RAD52: variants seen among roughly 807,000 people sequenced by gnomAD.
RAD52 encodes the protein RAD52 DNA repair protein, also known as DNA repair protein RAD52 homolog.
A neutral mutation model predicts 55.5 loss-of-function variants in RAD52; 47 were observed. The ratio of observed to expected loss-of-function variants is 0.85; its 90% CI spans 0.67 to 1.08. The LOEUF (loss-of-function observed/expected upper bound fraction) is 1.08, where lower values mean the gene tolerates loss of function less well. RAD52 is among the 50% of genes least tolerant of loss of function. The pLI is 0.00. For synonymous variants in RAD52, 184 were observed against 198.9 expected (o/e 0.92, Z 0.63); for missense variants, 468 against 522.8 (o/e 0.90, Z 1.02).
intron 5 of RAD52, among the ~76,000 whole-genome samples, chr12:928,805 G>A (rs1456603334): frequency 6.6e-6 from 1 of 152,002 alleles, no homozygotes; most frequent in Non-Finnish European, 1.5e-5. Context: ...TTAATATTTA[G>A]AGCCTTAAGT....
chr12:930,867 T>C (rs994517874), intron 3 of RAD52, among the ~76,000 whole-genome samples: 2 of 151,550 alleles, frequency 1.3e-5, no homozygotes, highest in African/African-American at 4.9e-5. Context: ...GTCAGGAAGC[T>C]GAGGCAGGAG....
Position 912,342 on chromosome 12 carries a change from A to G in RAD52, c.*1049T>C, listed in dbSNP as rs1956135258. 1 of 201,648 alleles carries G rather than the reference A, an allele frequency of 5.0e-6. No homozygotes were observed. Among genetic ancestry groups the G allele is most frequent in the Non-Finnish European group, 1.0e-5 (1 of 98,048 alleles). The allele number at this position is 201,648 out of a possible 1,614,324, so 12.5% of individuals were successfully genotyped here. On this transcript the variant is annotated 3_prime_UTR_variant, in exon 12 of 12. Transcript: ENST00000358495. ...ACCCAGCCCTCTTCAGCTGCAGTGT[A>G]TCTTCTTATACAAAAACTCTGTTTC...
upstream of RAD52, among the ~76,000 whole-genome samples, chr12:953,448 C>T (rs546494863): frequency 7.4e-4 from 113 of 152,264 alleles, no homozygotes; most frequent in Middle Eastern, 3.4e-3. Context: ...AAGGAAGTAT[C>T]CTCCCCTGCT....
chr12:949,766 A>C (rs1231216146), upstream of RAD52: 1 of 152,046 alleles, frequency 6.6e-6, no homozygotes, highest in Non-Finnish European at 1.5e-5. Context: ...GAAAAAAAAA[A>C]ACACAGACCA....
intron 1 of RAD52, among the ~76,000 whole-genome samples, chr12:945,122 A>G (rs2154118490): frequency 6.6e-6 from 1 of 152,282 alleles, no homozygotes; most frequent in African/African-American, 2.4e-5. Flanking sequence ...AGGCCAATGC[A>G]GACAGATCAC....
intron 2 of RAD52, among the ~76,000 whole-genome samples, chr12:932,603 TC>T (rs540017846): frequency 6.4e-4 from 97 of 151,112 alleles, no homozygotes; most frequent in South Asian, 3.6e-3. Flanking sequence ...ATGTTATCTA[TC>T]CCCCCCCACA....
intron 1 of RAD52, among the ~76,000 whole-genome samples, chr12:983,923 ATACTTCAGT>A (rs1381841366): frequency 6.6e-6 from 1 of 152,212 alleles, no homozygotes; most frequent in African/African-American, 2.4e-5. Flanking sequence ...TTGGAGGAAT[ATACTTCAGT>A]CTTTAACAGT....
intron 1 of RAD52, among the ~76,000 whole-genome samples, chr12:957,301 T>A (rs1225233270): frequency 3.3e-5 from 5 of 151,140 alleles, no homozygotes; most frequent in African/African-American, 1.2e-4. Flanking sequence ...CTACTAAAAA[T>A]ACAAAAAAAC....
At chr12:944,547 G>C (rs1958094066) in intron 1 of RAD52, among the ~76,000 whole-genome samples, 1 of 146,226 alleles carries the variant, frequency 6.8e-6, no homozygotes, top group Admixed American at 7.0e-5. Flanking sequence ...AATTAAATAT[G>C]TATCTGTCAT....
At chr12:935,853 CAAAAAAATAAATAAATAAATAAAT>C (rs1192839343) in intron 1 of RAD52, among the ~76,000 whole-genome samples, 16 of 143,042 alleles carry the variant, frequency 1.1e-4, no homozygotes, top group East Asian at 8.8e-4. Flanking sequence ...AACTCCGTCT[CAAAAAAATAAATAAATAAATAAAT>C]AAATAAATAA....
chr12:984,208 C>A (rs1959056849), intron 1 of RAD52, among the ~76,000 whole-genome samples: 1 of 151,962 alleles, frequency 6.6e-6, no homozygotes, highest in African/African-American at 2.4e-5. Flanking sequence ...GAATTTTTTT[C>A]TTTTTGAGAC....
At position 916,409 on chromosome 12, in the gene RAD52, T is replaced by A. The variant is rs1228925062; in HGVS notation, c.800A>T (p.Gln267Leu). The A allele has an allele frequency of 1.9e-6, 3 of 1,608,950 alleles. No individual in the cohort carries two copies. The highest frequency in any genetic ancestry group is 4.5e-5 in the East Asian group (2 of 44,844). ...RKLRQKQLQQ[Q>L]FRERMEKQQV... is the part of the protein sequence containing the mutation. The stretch of plus-strand genomic sequence containing the variant: ...CTGCTTCTCCATCCGCTCCCGGAAC[T>A]GCTGCTGCAGCTGCTTCTGCCGGAG... Residue 267 changes from glutamine (Q) to leucine (L), a missense_variant, in exon 9 of 12, where the codon CAG (glutamine) becomes CTG (leucine). Transcript: ENST00000358495.
At chr12:917,727 AT>A (rs1185901597) in intron 7 of RAD52, among the ~76,000 whole-genome samples, 1 of 149,584 alleles carries the variant, frequency 6.7e-6, no homozygotes, top group Non-Finnish European at 1.5e-5. Context: ...AAAAAAAAAA[AT>A]CGAAGGAACT....
At chr12:972,348 C>T (rs963934953) in intron 1 of RAD52, among the ~76,000 whole-genome samples, 4 of 152,114 alleles carry the variant, frequency 2.6e-5, no homozygotes, top group Non-Finnish European at 5.9e-5. Flanking sequence ...ACAGAAAGTG[C>T]ATGAGAAAAT....
At chr12:933,823 G>A (rs1227775799) in intron 1 of RAD52, among the ~76,000 whole-genome samples, 2 of 152,132 alleles carry the variant, frequency 1.3e-5, no homozygotes, top group East Asian at 1.9e-4. Flanking sequence ...ATGTGTTATA[G>A]TCAAAACACA....
chr12:924,124 C>G (rs1422836389), intron 7 of RAD52, among the ~76,000 whole-genome samples: 2 of 136,508 alleles, frequency 1.5e-5, no homozygotes, highest in Non-Finnish European at 3.2e-5. Context: ...AAATGCCTAA[C>G]AAAGGCCGGG....
chr12:925,519 A>C lies in RAD52; in HGVS notation c.474T>G (p.Phe158Leu). The C allele has an allele frequency of 6.2e-7, 1 of 1,612,954 alleles. No individual in the cohort carries two copies. The highest frequency in any genetic ancestry group is 8.5e-7 in the Non-Finnish European group (1 of 1,178,924). Residue 158 changes from phenylalanine (F) to leucine (L), a missense_variant, in exon 7 of 12, where the codon TTT becomes TTG. Transcript: ENST00000358495. Reference sequence around the variant, plus strand: ...GAATACAGTTTCCAAGTGCATTCCCAAAACTCCTAAGGGCAAGAGAAAAAA... The same window carrying C: ...GAATACAGTTTCCAAGTGCATTCCCCAAACTCCTAAGGGCAAGAGAAAAAA... ...TDGLKRALRS[F>L]GNALGNCILD...
chr12:946,157 A>G (rs780507109), intron 1 of RAD52, among the ~76,000 whole-genome samples: 1 of 152,180 alleles, frequency 6.6e-6, no homozygotes, highest in African/African-American at 2.4e-5. Context: ...CACTCAGCAC[A>G]GTCCCCACTC....
intron 6 of RAD52, chr12:926,832 G>C (rs539676206): frequency 6.5e-7 from 1 of 1,536,902 alleles, no homozygotes; most frequent in Non-Finnish European, 8.7e-7. Flanking sequence ...AGCACGGAGA[G>C]GAGGGTGCTG....
Sources: allele counts gnomAD v4.1 joint callset (sites outside exome capture counted in the v4.1 genomes callset), GRCh38; gene constraint gnomAD v4.1.1; transcripts MANE v1.5; gene names NCBI Gene and HGNC (gene_info 2026-07-23, HGNC 2026-07-21).